The following MS4A5 variants were observed in gnomAD, a reference collection of about 807,000 sequenced individuals.
The protein encoded by MS4A5 is membrane-spanning 4-domains subfamily A member 5.
In MS4A5, 15 loss-of-function variants were observed where a neutral mutation model predicts 18.2. That is an observed-to-expected ratio of 0.83 (90% CI 0.55 to 1.27). MS4A5 has a LOEUF of 1.27. Ranked by LOEUF, MS4A5 falls within the 50% of genes most tolerant of loss-of-function variation. The pLI, the probability that MS4A5 is intolerant of heterozygous loss-of-function variation, is 0.00. For missense variants in MS4A5, 232 were observed against 225.7 expected (o/e 1.03, Z -0.18); for synonymous variants, 89 against 78.7 (o/e 1.13, Z -0.69).
intron 4 of MS4A5, among the ~76,000 whole-genome samples, chr11:60,435,848 C>T (rs997556053): frequency 2.6e-5 from 4 of 151,992 alleles, no homozygotes; most frequent in South Asian, 2.1e-4. Context: ...GGCAGCAAGG[C>T]TGGGGGAGGG....
intron 4 of MS4A5, 76 bp downstream of exon 4, chr11:60,433,993 T>C: frequency 1.6e-6 from 2 of 1,287,426 alleles, no homozygotes; most frequent in Admixed American, 2.0e-5. Context: ...ATCAGCACCA[T>C]TCAGATCATG....
chr11:60,441,739 A>G (rs554224827), intron 4 of MS4A5, among the ~76,000 whole-genome samples: 1 of 151,882 alleles, frequency 6.6e-6, no homozygotes, highest in South Asian at 2.1e-4. Context: ...TAAAAATAGA[A>G]AATTAAAAAA....
intron 4 of MS4A5, among the ~76,000 whole-genome samples, chr11:60,434,517 A>G (rs1346378486): frequency 6.6e-6 from 1 of 152,220 alleles, no homozygotes; most frequent in East Asian, 1.9e-4. Context: ...CCTAAGAAAT[A>G]CTTAATATTT....
At chr11:60,438,573 A>G (rs890825873) in intron 4 of MS4A5, among the ~76,000 whole-genome samples, 22 of 152,166 alleles carry the variant, frequency 1.4e-4, no homozygotes, top group African/African-American at 5.3e-4. Flanking sequence ...TAGACGCAAT[A>G]AAAAATGATA....
At chr11:60,444,237 C>G (rs1194889449) in intron 4 of MS4A5, among the ~76,000 whole-genome samples, 4 of 152,122 alleles carry the variant, frequency 2.6e-5, no homozygotes. Flanking sequence ...TCAAATTCAG[C>G]ATAATATATG....
chr11:60,430,203 G>A (rs923830432), intron 1 of MS4A5, among the ~76,000 whole-genome samples: 5 of 152,002 alleles, frequency 3.3e-5, no homozygotes, highest in Non-Finnish European at 7.4e-5. Context: ...CCCAGCACTT[G>A]TCAAACCACT....
chr11:60,434,294 C>T (rs56680331), intron 4 of MS4A5, among the ~76,000 whole-genome samples: 6,035 of 152,064 alleles, frequency 0.04, 319 homozygotes, highest in East Asian at 0.28. Context: ...GCTGAACTTC[C>T]GATAAAGCAT....
chr11:60,442,834 T>C (rs926655821), intron 4 of MS4A5, among the ~76,000 whole-genome samples: 4 of 151,956 alleles, frequency 2.6e-5, no homozygotes, highest in Non-Finnish European at 4.4e-5. Context: ...CTGGTGAAAA[T>C]GTTCTTCAAA....
intron 2 of MS4A5, among the ~76,000 whole-genome samples, chr11:60,431,956 C>T (rs146230543): frequency 1.4e-5 from 2 of 138,116 alleles, no homozygotes; most frequent in African/African-American, 5.7e-5. Context: ...GTGTGACCCA[C>T]TTCCAAGAAA....
rs1277517825 is a variant in MS4A5, at chr11:60,429,650, C to G, written c.-25C>G. On this transcript the variant is annotated 5_prime_UTR_variant, in exon 1 of 5. Coordinates refer to ENST00000300190, the MANE Select transcript of MS4A5 (RefSeq NM_023945.3). ...ACTGAAGTACCAACTAAATCATCTC[C>G]TTTCAAATTATCACCGACACCATCA... The G allele has an allele frequency of 6.3e-7, 1 of 1,597,966 alleles. No individual in the cohort carries two copies. Among genetic ancestry groups the G allele is most frequent in the East Asian group, 2.2e-5 (1 of 44,736 alleles).
intron 3 of MS4A5, among the ~76,000 whole-genome samples, chr11:60,433,265 T>C (rs1273731149): frequency 6.6e-6 from 1 of 152,200 alleles, no homozygotes; most frequent in East Asian, 1.9e-4. Flanking sequence ...TGTAAAGTTA[T>C]AGATAAATTA....
intron 4 of MS4A5, among the ~76,000 whole-genome samples, chr11:60,445,890 C>A (rs1590836475): frequency 6.6e-6 from 1 of 152,022 alleles, no homozygotes; most frequent in Non-Finnish European, 1.5e-5. Flanking sequence ...CTGGTGAAAA[C>A]AATGTTCTTG....
intron 4 of MS4A5, among the ~76,000 whole-genome samples, chr11:60,444,226 A>G (rs2086128047): frequency 6.6e-6 from 1 of 152,208 alleles, no homozygotes; most frequent in Non-Finnish European, 1.5e-5. Context: ...TATTAACAAA[A>G]TCAAATTCAG....
At chr11:60,434,073 C>T (rs72926671) in intron 4 of MS4A5, among the ~76,000 whole-genome samples, 156 bp downstream of exon 4, 1 of 151,996 alleles carries the variant, frequency 6.6e-6, no homozygotes, top group Non-Finnish European at 1.5e-5. Context: ...AGACATTACA[C>T]CAGGCATTGT....
At chr11:60,445,576 T>C (rs1413032091) in intron 4 of MS4A5, among the ~76,000 whole-genome samples, 1 of 152,198 alleles carries the variant, frequency 6.6e-6, no homozygotes, top group African/African-American at 2.4e-5. Context: ...CACTTCTTTA[T>C]ATATAAACTT....
intron 4 of MS4A5, among the ~76,000 whole-genome samples, chr11:60,434,967 G>A (rs1266267472): frequency 6.6e-6 from 1 of 152,132 alleles, no homozygotes; most frequent in East Asian, 1.9e-4. Context: ...GATATACAAC[G>A]TACCCTGCCC....
At chr11:60,440,765 A>T (rs1262420159) in intron 4 of MS4A5, among the ~76,000 whole-genome samples, 4 of 116,392 alleles carry the variant, frequency 3.4e-5, no homozygotes, top group Non-Finnish European at 7.2e-5. Flanking sequence ...ATCATTAAAA[A>T]GTCAGGAAAC....
At position 60,447,710 on chromosome 11, in the gene MS4A5, C is replaced by T; in HGVS notation, c.554C>T (p.Ser185Leu). The part of the protein sequence containing the change: ...IIELFISLPF[S>L]ILGCHSEDCD... The stretch of plus-strand genomic sequence containing the variant: ...GAATTATTCATTTCTCTGCCTTTCT[C>T]AATTTTGGGGTGCCACTCAGAGGAT... The change falls in exon 5 of 5, where the codon TCA becomes TTA. Residue 185 changes from serine to leucine, a missense_variant. Transcript: ENST00000300190. The T allele has an allele frequency of 1.2e-6, 2 of 1,601,062 alleles. No homozygotes were observed. Among genetic ancestry groups the T allele is most frequent in the Non-Finnish European group, 1.7e-6 (2 of 1,176,846 alleles).
chr11:60,431,752 C>T (rs1325390984), intron 2 of MS4A5, among the ~76,000 whole-genome samples: 3 of 152,160 alleles, frequency 2.0e-5, no homozygotes, highest in East Asian at 1.9e-4. Flanking sequence ...TGTCTTGTTG[C>T]ATGCCAAGGG....
Sources: gnomAD v4.1 joint callset for allele counts (sites outside exome capture counted in the v4.1 genomes callset) on GRCh38, gnomAD v4.1.1 for gene constraint, MANE v1.5 for transcripts, NCBI Gene and HGNC (gene_info 2026-07-23, HGNC 2026-07-21) for gene names.